KDM5A: variants seen among roughly 807,000 people sequenced by gnomAD.
The protein encoded by KDM5A is lysine demethylase 5A, also known as lysine-specific demethylase 5A.
Under a neutral mutation model 193.5 loss-of-function variants are expected in KDM5A, and 42 were observed. That is an observed-to-expected ratio of 0.22 (90% CI 0.17 to 0.28). The LOEUF is 0.28. KDM5A is among the 10% of genes least tolerant of loss of function. The pLI is 1.00. For synonymous variants in KDM5A, 796 were observed against 718.1 expected (o/e 1.11, Z -1.73); for missense variants, 1,692 against 2,055.1 (o/e 0.82, Z 3.42).
In KDM5A at chr12:357,827, C is replaced by CAAAAAAAAAAAAAAAA. The variant is rs61577928; in HGVS notation, c.673-1306_673-1291dup. Among the ~76,000 whole-genome samples, 25 of 29,868 alleles carry CAAAAAAAAAAAAAAAA rather than the reference C, an allele frequency of 8.4e-4. 5 individuals carry two copies. Among genetic ancestry groups the CAAAAAAAAAAAAAAAA allele is most frequent in the African/African-American group, 4.4e-3 (22 of 4,980 alleles). 19.6% of individuals were successfully genotyped at this position (29,868 alleles called of 152,430 possible). On this transcript the variant is annotated intron_variant, in intron 5 of 27. Coordinates refer to ENST00000399788, the MANE Select transcript of KDM5A (RefSeq NM_001042603.3). The stretch of plus-strand genomic sequence containing the variant: ...TGGGCGACAGAGCAAGACTCAGTCT[C>CAAAAAAAAAAAAAAAA]AAAAAAAAAAAAAAAAAAAAAAAAA...
At chr12:319,953 G>A (rs1002349775) in intron 18 of KDM5A, among the ~76,000 whole-genome samples, 1 of 152,130 alleles carries the variant, frequency 6.6e-6, no homozygotes, top group Admixed American at 6.5e-5. Flanking sequence ...GGGGGCACCT[G>A]AAGAAAGGGC....
At chr12:318,492 A>C (rs1327764203) in intron 18 of KDM5A, 31 bp from the exon 19 acceptor site, 5 of 1,525,574 alleles carry the variant, frequency 3.3e-6, no homozygotes, top group Admixed American at 1.7e-5. Context: ...AAAAATCAGA[A>C]AAACAAATTT....
intron 3 of KDM5A, among the ~76,000 whole-genome samples, chr12:378,434 A>AT (rs1944535469): frequency 6.6e-6 from 1 of 152,146 alleles, no homozygotes; most frequent in South Asian, 2.1e-4. Flanking sequence ...ATCTTTTTAA[A>AT]TTTTTTGTAG....
rs1289340504 is a variant in KDM5A, at chr12:389,147, G to C, written c.-56C>G. 1 of 1,539,540 alleles carries C rather than the reference G, an allele frequency of 6.5e-7. No individual in the cohort carries two copies. The highest frequency in any genetic ancestry group is 2.2e-5 in the East Asian group (1 of 44,454). Reference sequence around the variant, plus strand: ...GTGGGGAACCGGTGGAGAAAAGCTGGCTGAAGCCCACTAAGCCCGTTCAAG... The same window carrying C: ...GTGGGGAACCGGTGGAGAAAAGCTGCCTGAAGCCCACTAAGCCCGTTCAAG... On this transcript the variant is annotated 5_prime_UTR_variant, in exon 1 of 28. Transcript: ENST00000399788.
Position 350,742 on chromosome 12 carries a change from C to T in KDM5A, c.1187G>A (p.Arg396Gln), listed in dbSNP as rs755327896. The T allele has an allele frequency of 3.1e-6, 5 of 1,613,996 alleles. No individual in the cohort carries two copies. Among genetic ancestry groups the T allele is most frequent in the Non-Finnish European group, 4.2e-6 (5 of 1,179,956 alleles). Residue 396 changes from arginine (R) to glutamine (Q), a missense_variant, in exon 10 of 28, where the codon CGG (arginine) becomes CAG (glutamine). Transcript: ENST00000399788. ...ATCTTCTTCAATGCTGCTTACCAGC[C>T]GCCAAAATTCCTTTTCTACTAGTTC... ...PTELVEKEFW[R>Q]LVSSIEEDVI...
At position 389,098 on chromosome 12, in the gene KDM5A, G is replaced by T; in HGVS notation, c.-7C>A. The T allele has an allele frequency of 2.3e-6, 3 of 1,312,970 alleles. No individual in the cohort carries two copies. Among genetic ancestry groups the T allele is most frequent in the South Asian group, 1.2e-5 (1 of 80,220 alleles). 81.3% of individuals were successfully genotyped at this position (1,312,970 alleles called of 1,614,324 possible). A position where few individuals can be genotyped will look rare whatever the true frequency, so the allele number is the denominator to read the frequency against. ...CCGGCCCCACGCCCGCCATTGCAACGGCCGGGGGGGGGGGGGGGTCCCCGT... is the reference window on the plus strand; with the variant it reads ...CCGGCCCCACGCCCGCCATTGCAACTGCCGGGGGGGGGGGGGGGTCCCCGT... On this transcript the variant is annotated 5_prime_UTR_variant, in exon 1 of 28. Transcript: ENST00000399788.
intron 17 of KDM5A, 51 bp downstream of exon 17, chr12:322,366 C>T: frequency 1.3e-6 from 2 of 1,589,858 alleles, no homozygotes; most frequent in Non-Finnish European, 1.7e-6. Flanking sequence ...TTGGTTTTTA[C>T]TCTGAAAGAA....
At position 296,176 on chromosome 12, in the gene KDM5A, C is replaced by A. The variant is rs149595877; in HGVS notation, c.4235-383G>T. ...TCTACTAAAAATACAAAAAATTAGC[C>A]AAGCGTGGTGGCGCATGCCTATAAA... On this transcript the variant is annotated intron_variant, in intron 25 of 27. Coordinates refer to ENST00000399788, the MANE Select transcript of KDM5A (RefSeq NM_001042603.3). 1.1e-4 allele frequency among the ~76,000 whole-genome samples: 16 copies of A among 151,988 alleles called. No homozygotes were observed. The East Asian group carries it at 3.1e-3, about 29-fold the overall frequency.
chr12:374,975 G>C (rs1944482808), intron 3 of KDM5A, among the ~76,000 whole-genome samples: 1 of 152,128 alleles, frequency 6.6e-6, no homozygotes, highest in African/African-American at 2.4e-5. Context: ...CCCTTTGTGG[G>C]TAACCCGATC....
At chr12:287,947 G>C (rs1943240748) in intron 27 of KDM5A, among the ~76,000 whole-genome samples, 1 of 152,064 alleles carries the variant, frequency 6.6e-6, no homozygotes, top group South Asian at 2.1e-4. Flanking sequence ...TTTGACTAAA[G>C]GTCCCTTCCT....
chr12:292,659 C>T, intron 27 of KDM5A, 100 bp downstream of exon 27: 1 of 1,494,432 alleles, frequency 6.7e-7, no homozygotes. Context: ...AAGTCCAAAT[C>T]CTAGAACCAA....
intron 24 of KDM5A, among the ~76,000 whole-genome samples, chr12:299,963 G>A (rs924651588): frequency 2.7e-5 from 4 of 145,706 alleles, no homozygotes; most frequent in Non-Finnish European, 4.5e-5. Context: ...ATGGTAAAGG[G>A]ATCAATGCAA....
At chr12:339,126 C>A (rs932900968) in intron 10 of KDM5A, among the ~76,000 whole-genome samples, 1 of 148,102 alleles carries the variant, frequency 6.8e-6, no homozygotes, top group East Asian at 2.0e-4. Context: ...TGTGGTGAGC[C>A]GAGATCACAC....
In KDM5A at chr12:307,117, C is replaced by T. The variant is rs1378184941; in HGVS notation, c.3931-28G>A. 4 of 1,613,832 alleles carry T rather than the reference C, an allele frequency of 2.5e-6. No individual in the cohort carries two copies. The highest frequency in any genetic ancestry group is 3.4e-6 in the Non-Finnish European group (4 of 1,179,810). ...AAACAACAAATAATTCCAAGATGAA[C>T]AGCAAGACATGCTAAACAGACAGGG... On this transcript the variant is annotated intron_variant, in intron 23 of 27. Transcript: ENST00000399788. The surrounding 1 kb of genome is among the most constrained non-coding windows in gnomAD (Gnocchi z 4.3).
Position 355,235 on chromosome 12 carries a change from T to C in KDM5A, c.793A>G (p.Arg265Gly). 1 of 1,608,136 alleles carries C rather than the reference T, an allele frequency of 6.2e-7. No individual in the cohort carries two copies. Among genetic ancestry groups the C allele is most frequent in the East Asian group, 2.2e-5 (1 of 44,848 alleles). Residue 265 changes from arginine (R) to glycine (G), a missense_variant, in exon 7 of 28, where the codon AGA becomes GGA. Arg to Gly is a moderately radical substitution (Grantham distance 125). This residue lies in a region of KDM5A where 134 missense variants were observed against 124.2 expected (regional missense o/e 1.08). Coordinates refer to ENST00000399788, the MANE Select transcript of KDM5A (RefSeq NM_001042603.3). ...TKDKEDEVTR[R>G]RKVTNRSDAF... is the part of the protein sequence containing the mutation. ...TCTGACCTGTTGGTAACTTTTCGTCTTCGGGTGACCTCATCTTGAAATAAA... is the reference window on the plus strand; with the variant it reads ...TCTGACCTGTTGGTAACTTTTCGTCCTCGGGTGACCTCATCTTGAAATAAA...
At position 385,983 on chromosome 12, in the gene KDM5A, A is replaced by G. The variant is rs1944633157; in HGVS notation, c.166-9T>C. On this transcript the variant is annotated splice_polypyrimidine_tract_variant and intron_variant, in intron 1 of 27. Coordinates refer to ENST00000399788, the MANE Select transcript of KDM5A (RefSeq NM_001042603.3). ...AATGGAGGCTGCCAGTCCTAAATAG[A>G]AAGATTTTTTTAAAAAAACACAGTG... 2 of 1,610,806 alleles carry G rather than the reference A, an allele frequency of 1.2e-6. No individual in the cohort carries two copies. The highest frequency in any genetic ancestry group is 1.3e-5 in the African/African-American group (1 of 75,004).
chr12:317,196 G>A (rs1031752602), intron 19 of KDM5A, among the ~76,000 whole-genome samples: 6 of 152,028 alleles, frequency 3.9e-5, no homozygotes, highest in Non-Finnish European at 5.9e-5. Context: ...AATACTTTTC[G>A]ACATGAATCC....
intron 18 of KDM5A, among the ~76,000 whole-genome samples, chr12:320,388 C>T (rs1283881982): frequency 6.6e-6 from 1 of 151,966 alleles, no homozygotes; most frequent in Non-Finnish European, 1.5e-5. Context: ...CCCAGCTACT[C>T]GGGAGGCTGA....
intron 18 of KDM5A, among the ~76,000 whole-genome samples, chr12:320,483 G>C (rs908553721): frequency 6.6e-6 from 1 of 152,070 alleles, no homozygotes. Flanking sequence ...GCGACAGAGC[G>C]AGACTCCCAT....
Sources: allele counts gnomAD v4.1 joint callset (sites outside exome capture counted in the v4.1 genomes callset), GRCh38; gene constraint gnomAD v4.1.1; regional missense constraint gnomAD v4.1.1; non-coding constraint Gnocchi (gnomAD v3.1); transcripts MANE v1.5; gene names NCBI Gene and HGNC (gene_info 2026-07-23, HGNC 2026-07-21).